Variants in SAMD12 observed in about 807,000 individuals in gnomAD.
SAMD12 encodes sterile alpha motif domain-containing protein 12.
In SAMD12, 9 loss-of-function variants were observed where a neutral mutation model predicts 15.0. The observed-to-expected ratio is 0.60, with a 90% CI of 0.36 to 1.05. The LOEUF (loss-of-function observed/expected upper bound fraction) is 1.05, where lower values mean the gene tolerates loss of function less well. SAMD12 is among the 50% of genes least tolerant of loss of function. The pLI, the probability that SAMD12 is intolerant of heterozygous loss-of-function variation, is 0.01. For missense variants in SAMD12, 230 were observed against 234.2 expected (o/e 0.98, Z 0.12); for synonymous variants, 86 against 90.1 (o/e 0.96, Z 0.25).
intron 2 of SAMD12, among the ~76,000 whole-genome samples, chr8:118,479,312 G>A (rs1586750669): frequency 6.6e-6 from 1 of 152,104 alleles, no homozygotes; most frequent in Non-Finnish European, 1.5e-5. Context: ...GCTGATAAAA[G>A]ACATATCTGA....
the SAMD12 span, among the ~76,000 whole-genome samples, chr8:118,160,939 C>A: frequency 6.6e-6 from 1 of 152,118 alleles, no homozygotes; most frequent in Non-Finnish European, 1.5e-5. Context: ...GCTATCCCTG[C>A]CCCCGCACCC....
chr8:118,145,402 C>T, the SAMD12 span, among the ~76,000 whole-genome samples: 1 of 152,166 alleles, frequency 6.6e-6, no homozygotes, highest in Admixed American at 6.5e-5. Context: ...TATATAAGAT[C>T]AAAACATCAT....
the SAMD12 span, among the ~76,000 whole-genome samples, chr8:118,173,053 T>C: frequency 8.5e-5 from 13 of 152,316 alleles, no homozygotes; most frequent in African/African-American, 2.9e-4. Context: ...TTCCTAGGAA[T>C]AGGGTTTTCT....
intron 2 of SAMD12, among the ~76,000 whole-genome samples, chr8:118,480,489 A>G (rs1409221227): frequency 6.6e-6 from 1 of 152,208 alleles, no homozygotes; most frequent in Non-Finnish European, 1.5e-5. Flanking sequence ...GCAGTTGCAA[A>G]TGTCAGGCAC....
chr8:118,549,249 C>CG (rs1202585670), intron 2 of SAMD12, among the ~76,000 whole-genome samples: 2 of 151,970 alleles, frequency 1.3e-5, no homozygotes, highest in African/African-American at 2.4e-5. Context: ...TGACCCCTGA[C>CG]CCCCGAGCAG....
intron 3 of SAMD12, among the ~76,000 whole-genome samples, chr8:118,411,237 A>T (rs1313323483): frequency 6.6e-6 from 1 of 152,218 alleles, no homozygotes; most frequent in African/African-American, 2.4e-5. Context: ...TTCAAGCACA[A>T]TTTAGAGAAA....
At chr8:118,505,055 G>A (rs1427173706) in intron 2 of SAMD12, among the ~76,000 whole-genome samples, 1 of 152,182 alleles carries the variant, frequency 6.6e-6, no homozygotes, top group African/African-American at 2.4e-5. Flanking sequence ...GTTGCTTTAA[G>A]CTACCCAATT....
At chr8:118,140,802 C>T in the SAMD12 span, among the ~76,000 whole-genome samples, 1 of 152,150 alleles carries the variant, frequency 6.6e-6, no homozygotes, top group Non-Finnish European at 1.5e-5. Context: ...TAATTAAAAG[C>T]CTAGAGCTTT....
intron 2 of SAMD12, among the ~76,000 whole-genome samples, chr8:118,579,527 A>G (rs1827232061): frequency 6.6e-6 from 1 of 152,174 alleles, no homozygotes; most frequent in Admixed American, 6.5e-5. Context: ...CTTAATGTCA[A>G]CAATTTTTAA....
intron 4 of SAMD12, among the ~76,000 whole-genome samples, chr8:118,316,816 GTTT>G (rs35418863): frequency 4.1e-4 from 48 of 117,886 alleles, no homozygotes; most frequent in African/African-American, 8.0e-4. Flanking sequence ...TTAAAAAAAA[GTTT>G]TTTTTTTTTT....
At chr8:118,535,286 G>A (rs998801433) in intron 2 of SAMD12, among the ~76,000 whole-genome samples, 4 of 152,202 alleles carry the variant, frequency 2.6e-5, no homozygotes, top group Non-Finnish European at 4.4e-5. Flanking sequence ...GGCAAATGTT[G>A]CTGCCTGATC....
the SAMD12 span, among the ~76,000 whole-genome samples, chr8:118,158,990 CG>C: frequency 6.6e-5 from 10 of 152,142 alleles, no homozygotes; most frequent in South Asian, 1.5e-3. Flanking sequence ...TTCCTGAATG[CG>C]GGACAAGAAC....
intron 4 of SAMD12, among the ~76,000 whole-genome samples, chr8:118,325,234 C>T (rs891026348): frequency 1.4e-4 from 21 of 152,144 alleles, no homozygotes; most frequent in African/African-American, 5.1e-4. Flanking sequence ...ACCCTAATTT[C>T]ATTTTTTAAA....
intron 4 of SAMD12, among the ~76,000 whole-genome samples, chr8:118,269,237 TG>T (rs1813284273): frequency 1.3e-5 from 2 of 151,072 alleles, no homozygotes; most frequent in Non-Finnish European, 3.0e-5. Context: ...TGTGTGTGTG[TG>T]TGTGTGTGTG....
At chr8:118,366,818 A>AAATAAAATAAAATAAAATAT (rs1563799673) in intron 4 of SAMD12, among the ~76,000 whole-genome samples, 8 of 59,736 alleles carry the variant, frequency 1.3e-4, no homozygotes, top group African/African-American at 4.9e-4. Flanking sequence ...GTCTCAAATA[A>AAATAAAATAAAATAAAATAT]AATAAAATAA....
At chr8:118,268,302 T>C (rs1813257160) in intron 4 of SAMD12, among the ~76,000 whole-genome samples, 1 of 152,218 alleles carries the variant, frequency 6.6e-6, no homozygotes, top group African/African-American at 2.4e-5. Flanking sequence ...TAATTTTCAT[T>C]AAATCAATAT....
rs1586361276 is a variant in SAMD12 at position 118,225,527 on chromosome 8, G to A, written c.434-27795C>T. Among the ~76,000 whole-genome samples, 6 of 152,260 alleles carry A rather than the reference G, an allele frequency of 3.9e-5. 1 individual carries two copies. Among genetic ancestry groups the A allele is most frequent in the Admixed American group, 3.9e-4 (6 of 15,296 alleles). On this transcript the variant is annotated intron_variant, in intron 4 of 4. Coordinates refer to the SAMD12 transcript ENST00000409003. ...CTCTGTACCATGCTGGGGGCAGCAG[G>A]ATCATTAAGTACCTAACTGTTTGCA...
At chr8:118,590,139 A>C (rs1468730640) in intron 1 of SAMD12, among the ~76,000 whole-genome samples, 2 of 152,186 alleles carry the variant, frequency 1.3e-5, no homozygotes, top group Non-Finnish European at 2.9e-5. Flanking sequence ...AATATACAAG[A>C]GCTTGCTCTC....
intron 2 of SAMD12, among the ~76,000 whole-genome samples, chr8:118,470,281 A>G (rs774303620): frequency 6.6e-6 from 1 of 151,010 alleles, no homozygotes; most frequent in Non-Finnish European, 1.5e-5. Flanking sequence ...GTTTATGTTC[A>G]TGTATTACTT....
Sources: allele counts gnomAD v4.1 joint callset (sites outside exome capture counted in the v4.1 genomes callset), GRCh38; gene constraint gnomAD v4.1.1; transcripts MANE v1.5; gene names NCBI Gene and HGNC (gene_info 2026-07-23, HGNC 2026-07-21).